The following PARD3 variants were observed in gnomAD, a reference collection of about 807,000 sequenced individuals.
PARD3 encodes the protein partitioning defective 3 homolog.
Under a neutral mutation model 155.4 loss-of-function variants are expected in PARD3, and 75 were observed. The ratio of observed to expected loss-of-function variants is 0.48; its 90% CI spans 0.40 to 0.58. PARD3 has a LOEUF of 0.58. Ranked by LOEUF, PARD3 falls within the 20% of genes least tolerant of loss-of-function variation. The pLI, the probability that PARD3 is intolerant of heterozygous loss-of-function variation, is 0.00. For missense variants in PARD3, 1,642 were observed against 1,721.7 expected, an observed-to-expected ratio of 0.95 and a Z score of 0.82; for synonymous variants, 576 against 610.5, an observed-to-expected ratio of 0.94 and a Z score of 0.83.
chr10:34,655,164 T>C (rs548647505), intron 2 of PARD3, among the ~76,000 whole-genome samples: 1 of 151,676 alleles, frequency 6.6e-6, no homozygotes, highest in Non-Finnish European at 1.5e-5. Context: ...ACCTGTGTTA[T>C]AGTTACAATT....
At chr10:34,642,300 TG>T (rs2092703328) in intron 2 of PARD3, among the ~76,000 whole-genome samples, 1 of 152,118 alleles carries the variant, frequency 6.6e-6, no homozygotes, top group Non-Finnish European at 1.5e-5. Flanking sequence ...AGGGCCCAGC[TG>T]TCATGAATCT....
At chr10:34,293,149 C>T (rs1956753549) in intron 20 of PARD3, among the ~76,000 whole-genome samples, 2 of 152,042 alleles carry the variant, frequency 1.3e-5, no homozygotes, top group Admixed American at 1.3e-4. Context: ...AAGATAAATA[C>T]ACAAATCACT....
chr10:34,348,572 A>G (rs571191126), intron 14 of PARD3, among the ~76,000 whole-genome samples: 140 of 152,290 alleles, frequency 9.2e-4, no homozygotes, highest in African/African-American at 3.3e-3. Flanking sequence ...ATTAGCACAC[A>G]TTTTTCCATG....
At chr10:34,133,414 A>T (rs1165195952) in intron 22 of PARD3, among the ~76,000 whole-genome samples, 1 of 152,188 alleles carries the variant, frequency 6.6e-6, no homozygotes, top group Non-Finnish European at 1.5e-5. Flanking sequence ...CTCTCATTTC[A>T]TCAGGAAAGC....
intron 2 of PARD3, among the ~76,000 whole-genome samples, chr10:34,648,296 T>C (rs1346742987): frequency 2.0e-5 from 3 of 152,356 alleles, no homozygotes; most frequent in East Asian, 3.9e-4. Flanking sequence ...GAATGTTTTA[T>C]AGTTATTTTT....
chr10:34,584,398 A>G (rs2087801967), intron 2 of PARD3, among the ~76,000 whole-genome samples: 3 of 152,204 alleles, frequency 2.0e-5, no homozygotes, highest in African/African-American at 7.2e-5. Flanking sequence ...GATTCTCTGT[A>G]AGGCATTTGT....
At chr10:34,399,628 A>G (rs534107657) in intron 6 of PARD3, among the ~76,000 whole-genome samples, 1 of 152,310 alleles carries the variant, frequency 6.6e-6, no homozygotes. Flanking sequence ...ATACCTGAAC[A>G]CTAGTCTGAT....
At chr10:34,301,886 C>T (rs1042803346) in intron 20 of PARD3, among the ~76,000 whole-genome samples, 3 of 138,378 alleles carry the variant, frequency 2.2e-5, no homozygotes, top group African/African-American at 8.1e-5. Context: ...CTGAGAAATA[C>T]ATCTATATGT....
chr10:34,811,289 C>T (rs1014938038), intron 1 of PARD3, among the ~76,000 whole-genome samples: 2 of 152,196 alleles, frequency 1.3e-5, no homozygotes, highest in Admixed American at 1.3e-4. Flanking sequence ...TCAGTTTGAT[C>T]CTGACCCCCT....
Position 34,341,715 on chromosome 10 carries a change from A to G in PARD3, c.2320T>C (p.Ser774Pro). ...PVLPPHLSDQ[S>P]SSSSHDDVGF... ...ACATCATCATGGGAGCTGGAAGAGG[A>G]CTGGTCAGAGAGATGTGGAGGAAGC... Residue 774 changes from serine to proline, a missense_variant, in exon 16 of 25, where the codon TCC (serine) becomes CCC (proline). Transcript: ENST00000374788. 6.2e-7 allele frequency: 1 copy of G among 1,613,982 alleles called. No individual in the cohort carries two copies. Among genetic ancestry groups the G allele is most frequent in the Non-Finnish European group, 8.5e-7 (1 of 1,179,916 alleles).
intron 1 of PARD3, among the ~76,000 whole-genome samples, chr10:34,763,086 A>T (rs1837652645): frequency 1.3e-5 from 2 of 152,140 alleles, no homozygotes; most frequent in African/African-American, 2.4e-5. Context: ...GACATTTTGG[A>T]AATTTTGTTG....
intron 5 of PARD3, among the ~76,000 whole-genome samples, chr10:34,446,184 CAGAGCTA>C (rs1221970351): frequency 3.9e-5 from 6 of 152,116 alleles, no homozygotes; most frequent in Admixed American, 3.9e-4. Context: ...AGCTAGAGCA[CAGAGCTA>C]AGGTGGCCTT....
intron 9 of PARD3, among the ~76,000 whole-genome samples, chr10:34,381,481 T>C (rs1027504194): frequency 3.3e-5 from 5 of 152,114 alleles, no homozygotes; most frequent in African/African-American, 1.2e-4. Flanking sequence ...TAAAGTCAAG[T>C]CCAATAGTTT....
intron 2 of PARD3, among the ~76,000 whole-genome samples, chr10:34,523,564 T>C (rs1418530293): frequency 2.0e-5 from 3 of 152,140 alleles, no homozygotes; most frequent in Non-Finnish European, 2.9e-5. Flanking sequence ...GCAGCCTCCA[T>C]GAGTCAAGCC....
chr10:34,652,726 T>C (rs1433305107), intron 2 of PARD3, among the ~76,000 whole-genome samples: 2 of 152,170 alleles, frequency 1.3e-5, no homozygotes, highest in Non-Finnish European at 2.9e-5. Context: ...GAAGACTCCA[T>C]GAGGAAAAGA....
intron 22 of PARD3, among the ~76,000 whole-genome samples, chr10:34,182,792 C>T (rs1328043538): frequency 6.9e-6 from 1 of 145,714 alleles, no homozygotes; most frequent in Non-Finnish European, 1.5e-5. Flanking sequence ...TTTAATCTAA[C>T]AGGCCCGATT....
intron 2 of PARD3, among the ~76,000 whole-genome samples, chr10:34,540,243 T>C (rs147144563): frequency 6.6e-5 from 10 of 152,064 alleles, no homozygotes; most frequent in East Asian, 1.9e-4. Flanking sequence ...TAGAACAGTG[T>C]CTTGCACATA....
chr10:34,550,230 T>G (rs932938749), intron 2 of PARD3, among the ~76,000 whole-genome samples: 1 of 152,180 alleles, frequency 6.6e-6, no homozygotes, highest in Non-Finnish European at 1.5e-5. Flanking sequence ...GCCCTCCACC[T>G]TTTATCTTTG....
intron 2 of PARD3, among the ~76,000 whole-genome samples, chr10:34,670,388 G>C (rs1041034889): frequency 2.0e-5 from 3 of 152,198 alleles, no homozygotes; most frequent in African/African-American, 7.2e-5. Flanking sequence ...GTGAGCACAG[G>C]GCATATGCTC....
Sources: gnomAD v4.1 joint callset for allele counts (sites outside exome capture counted in the v4.1 genomes callset) on GRCh38, gnomAD v4.1.1 for gene constraint, MANE v1.5 for transcripts, NCBI Gene and HGNC (gene_info 2026-07-23, HGNC 2026-07-21) for gene names.